NBEA: variants seen among roughly 807,000 people sequenced by gnomAD.
The protein encoded by NBEA is lysosomal-trafficking regulator 2.
NBEA carries 44 observed loss-of-function variants against 343.4 expected under a neutral mutation model. That is an observed-to-expected ratio of 0.13 (90% CI 0.10 to 0.16). The LOEUF (loss-of-function observed/expected upper bound fraction) is 0.16, where lower values mean the gene tolerates loss of function less well. Among genes scored for constraint, NBEA ranks in the 10% least tolerant of loss-of-function variants. NBEA has a pLI of 1.00. For synonymous variants in NBEA, 1,175 were observed against 1,238.7 expected, an observed-to-expected ratio of 0.95 and a Z score of 1.08; for missense variants, 2,555 against 3,631.3, an observed-to-expected ratio of 0.70 and a Z score of 7.62.
chr13:35,064,926 A>G (rs1490962936), intron 8 of NBEA, among the ~76,000 whole-genome samples: 2 of 151,136 alleles, frequency 1.3e-5, no homozygotes, highest in Admixed American at 1.3e-4. Context: ...TATTTAAGCC[A>G]TCCAGCCTCT....
intron 1 of NBEA, among the ~76,000 whole-genome samples, chr13:35,006,652 A>C (rs141393976): frequency 6.6e-6 from 1 of 152,156 alleles, no homozygotes; most frequent in Non-Finnish European, 1.5e-5. Context: ...TACTTTTTAC[A>C]GTCTCTTTTT....
At chr13:35,125,646 A>G (rs887753743) in intron 17 of NBEA, among the ~76,000 whole-genome samples, 2 of 152,156 alleles carry the variant, frequency 1.3e-5, no homozygotes, top group African/African-American at 4.8e-5. Context: ...CAGATGGTCC[A>G]CGTAAATTAG....
At chr13:35,100,793 T>C (rs1443565296) in intron 11 of NBEA, among the ~76,000 whole-genome samples, 1 of 152,020 alleles carries the variant, frequency 6.6e-6, no homozygotes, top group Admixed American at 6.6e-5. Context: ...CATTTTCATA[T>C]ATAATTATAG....
At chr13:35,502,338 T>C (rs1394698464) in intron 41 of NBEA, among the ~76,000 whole-genome samples, 2 of 152,110 alleles carry the variant, frequency 1.3e-5, no homozygotes, top group East Asian at 3.9e-4. Flanking sequence ...GCTGGTAATA[T>C]ATTAGGTAAA....
chr13:35,176,219 G>C (rs1034500133), intron 27 of NBEA, among the ~76,000 whole-genome samples: 1 of 152,050 alleles, frequency 6.6e-6, no homozygotes, highest in South Asian at 2.1e-4. Flanking sequence ...TTTTGGGCTA[G>C]AATATCATGA....
chr13:35,027,327 A>G (rs2062049369), intron 1 of NBEA, among the ~76,000 whole-genome samples: 1 of 151,156 alleles, frequency 6.6e-6, no homozygotes, highest in East Asian at 1.9e-4. Flanking sequence ...CTGCCAAACT[A>G]TTTTCAGAGT....
intron 41 of NBEA, among the ~76,000 whole-genome samples, chr13:35,533,656 A>G (rs1433211875): frequency 6.6e-6 from 1 of 152,218 alleles, no homozygotes; most frequent in Non-Finnish European, 1.5e-5. Flanking sequence ...TTAGCTAAAT[A>G]TATTAACACT....
chr13:35,561,440 A>G (rs1261943494), intron 44 of NBEA, among the ~76,000 whole-genome samples: 4 of 152,166 alleles, frequency 2.6e-5, no homozygotes, highest in South Asian at 4.1e-4. Context: ...AATAAATTTC[A>G]TATTTTCTAT....
At chr13:35,334,181 T>A (rs1414379948) in intron 36 of NBEA, among the ~76,000 whole-genome samples, 2 of 152,140 alleles carry the variant, frequency 1.3e-5, no homozygotes, top group Non-Finnish European at 2.9e-5. Flanking sequence ...TGAGGGTTCC[T>A]TTTTCTCCAC....
chr13:35,137,983 G>C (rs2067837124), intron 17 of NBEA, among the ~76,000 whole-genome samples: 1 of 151,986 alleles, frequency 6.6e-6, no homozygotes, highest in Admixed American at 6.6e-5. Context: ...TTGTAAATGA[G>C]TTGACAAAGG....
intron 38 of NBEA, among the ~76,000 whole-genome samples, chr13:35,422,718 C>T (rs1245902181): frequency 4.6e-5 from 7 of 152,276 alleles, no homozygotes; most frequent in East Asian, 1.9e-4. Context: ...CCTGAGGAAT[C>T]GCCACACTGT....
intron 16 of NBEA, among the ~76,000 whole-genome samples, chr13:35,121,019 G>A (rs370547408): frequency 1.3e-5 from 2 of 152,014 alleles, no homozygotes; most frequent in South Asian, 4.1e-4. Flanking sequence ...CCTGCTACTC[G>A]AAGTTATTCC....
intron 37 of NBEA, among the ~76,000 whole-genome samples, chr13:35,351,320 C>T (rs2040186659): frequency 6.6e-6 from 1 of 151,874 alleles, no homozygotes; most frequent in Non-Finnish European, 1.5e-5. Flanking sequence ...AGTCACACCA[C>T]TCTGTATATT....
Position 35,182,372 on chromosome 13 carries a change from C to G in NBEA, c.4675C>G (p.Gln1559Glu), listed in dbSNP as rs759101771. Residue 1559 changes from glutamine to glutamate, a missense_variant, in exon 29 of 59, where the codon CAA (glutamine) becomes GAA (glutamate). By Grantham distance (29) the Gln-to-Glu change is conservative (BLOSUM62 2). This residue lies in a region of NBEA where 168 missense variants were observed against 193.0 expected (regional missense o/e 0.87). Coordinates refer to ENST00000379939, the MANE Select transcript of NBEA (RefSeq NM_001385012.1). ...TCATTTTTCATAGGATGATAGCAAA[C>G]AAGCACAGTTCTTAGCTCTGGCTGT... ...VVFRDVDDSK[Q>E]AQFLALAVVY... The G allele has an allele frequency of 1.9e-6, 3 of 1,602,568 alleles. No individual in the cohort carries two copies. The highest frequency in any genetic ancestry group is 2.3e-5 in the East Asian group (1 of 44,234).
At position 34,971,819 on chromosome 13, in the gene NBEA, C is replaced by CT. The variant is rs527325078; in HGVS notation, c.294+28718dup. 6.0e-3 allele frequency among the ~76,000 whole-genome samples: 825 copies of CT among 137,760 alleles called. 6 individuals are homozygous for CT. The highest frequency in any genetic ancestry group is 0.027 in the South Asian group (119 of 4,348). 90.4% of individuals were successfully genotyped at this position (137,760 alleles called of 152,430 possible). A position where few individuals can be genotyped will look rare whatever the true frequency, so the allele number is the denominator to read the frequency against. On this transcript the variant is annotated intron_variant, in intron 1 of 58. Transcript: ENST00000379939. ...GGATATCAGCTTCAATTTTTCTTTT[C>CT]TTTTTTTTTTTTTGTATCAGGATGA...
intron 8 of NBEA, among the ~76,000 whole-genome samples, chr13:35,067,948 G>A (rs1034538517): frequency 6.6e-6 from 1 of 151,938 alleles, no homozygotes; most frequent in South Asian, 2.1e-4. Flanking sequence ...GTGTTGTCCA[G>A]GCTGATCTCA....
At chr13:35,627,305 A>G (rs2083270897) in intron 48 of NBEA, among the ~76,000 whole-genome samples, 1 of 152,204 alleles carries the variant, frequency 6.6e-6, no homozygotes, top group South Asian at 2.1e-4. Context: ...TTGATGATAA[A>G]TGACTGCAGT....
intron 1 of NBEA, among the ~76,000 whole-genome samples, chr13:35,016,902 A>G (rs147111862): frequency 1.3e-5 from 2 of 152,266 alleles, no homozygotes; most frequent in East Asian, 3.9e-4. Context: ...TTAGAAACCA[A>G]CTAAAATCTG....
At chr13:35,327,782 A>G (rs1173132147) in intron 36 of NBEA, among the ~76,000 whole-genome samples, 7 of 151,948 alleles carry the variant, frequency 4.6e-5, no homozygotes, top group South Asian at 2.1e-4. Context: ...AAAAATTGAA[A>G]TTATTTGTTA....
Sources: gnomAD v4.1 joint callset for allele counts (sites outside exome capture counted in the v4.1 genomes callset) on GRCh38, gnomAD v4.1.1 for gene constraint, gnomAD v4.1.1 regional missense constraint, MANE v1.5 for transcripts, NCBI Gene and HGNC (gene_info 2026-07-23, HGNC 2026-07-21) for gene names.